Variants in SGCD observed in about 807,000 individuals in gnomAD.
SGCD encodes sarcoglycan delta.
In SGCD, 18 loss-of-function variants were observed where a neutral mutation model predicts 36.6. That is an observed-to-expected ratio of 0.49 (90% CI 0.34 to 0.73). SGCD has a LOEUF of 0.73. Among genes scored for constraint, SGCD ranks in the 30% least tolerant of loss-of-function variants. The probability of loss-of-function intolerance (pLI) is 0.01; values close to 1 mark genes in which losing one functional copy is unlikely to be tolerated. For missense variants in SGCD, 387 were observed against 346.7 expected (o/e 1.12, Z -0.92); for synonymous variants, 133 against 130.6 (o/e 1.02, Z -0.12).
At chr5:156,048,731 A>G (rs940209627) in intron 1 of SGCD, among the ~76,000 whole-genome samples, 6 of 152,084 alleles carry the variant, frequency 3.9e-5, no homozygotes, top group Admixed American at 1.3e-4. Context: ...ATTAGCCTTT[A>G]TCAGATGAGT....
intron 1 of SGCD, among the ~76,000 whole-genome samples, chr5:155,904,634 G>C (rs1445090010): frequency 6.6e-6 from 1 of 152,120 alleles, no homozygotes; most frequent in Non-Finnish European, 1.5e-5. Context: ...AAAATATTGT[G>C]CTTATGATCT....
intron 3 of SGCD, among the ~76,000 whole-genome samples, chr5:156,157,387 G>A (rs1413836688): frequency 1.3e-5 from 2 of 151,640 alleles, no homozygotes; most frequent in Non-Finnish European, 2.9e-5. Flanking sequence ...AATAAACAGA[G>A]CCAGGTATTG....
chr5:156,710,990 T>C (rs1754964694), intron 7 of SGCD, among the ~76,000 whole-genome samples: 1 of 152,238 alleles, frequency 6.6e-6, no homozygotes, highest in Non-Finnish European at 1.5e-5. Flanking sequence ...TGTCATGTGA[T>C]ACTATACTAG....
chr5:156,169,865 T>C (rs1383285782), intron 3 of SGCD, among the ~76,000 whole-genome samples: 2 of 151,782 alleles, frequency 1.3e-5, no homozygotes, highest in East Asian at 1.9e-4. Context: ...GGGTTAGTCA[T>C]GGGGGGTGGC....
chr5:156,195,425 AT>A (rs1442602885), intron 3 of SGCD, among the ~76,000 whole-genome samples: 4 of 152,188 alleles, frequency 2.6e-5, no homozygotes, highest in African/African-American at 9.6e-5. Flanking sequence ...AGATGATATC[AT>A]TTAACATTCT....
At chr5:155,750,314 C>A in the SGCD span, among the ~76,000 whole-genome samples, 1 of 152,150 alleles carries the variant, frequency 6.6e-6, no homozygotes, top group Non-Finnish European at 1.5e-5. Context: ...GTGGATTGTT[C>A]TACGAATGTA....
chr5:155,871,108 G>A (rs997263415), intron 1 of SGCD, among the ~76,000 whole-genome samples: 1 of 152,016 alleles, frequency 6.6e-6, no homozygotes, highest in African/African-American at 2.4e-5. Flanking sequence ...GTCAGAGAGA[G>A]GACCCAACAG....
intron 6 of SGCD, among the ~76,000 whole-genome samples, chr5:156,630,930 A>G (rs1356017202): frequency 6.6e-6 from 1 of 152,218 alleles, no homozygotes; most frequent in African/African-American, 2.4e-5. Flanking sequence ...CAGGAATTAA[A>G]TATATATTTC....
At chr5:156,083,496 T>C (rs1303788097) in intron 1 of SGCD, among the ~76,000 whole-genome samples, 4 of 151,804 alleles carry the variant, frequency 2.6e-5, no homozygotes, top group African/African-American at 4.8e-5. Flanking sequence ...GGTTTCTCCG[T>C]GTTGGTCAGG....
chr5:156,502,443 TC>T (rs1236824887), intron 3 of SGCD, among the ~76,000 whole-genome samples: 1 of 152,202 alleles, frequency 6.6e-6, no homozygotes, highest in Non-Finnish European at 1.5e-5. Flanking sequence ...CAAGTGATCT[TC>T]CTGCCACAGC....
chr5:156,274,471 A>T (rs13153827), intron 3 of SGCD, among the ~76,000 whole-genome samples: 60,779 of 151,512 alleles, frequency 0.4, 13,194 homozygotes, highest in African/African-American at 0.55. Context: ...GTCATTTTTT[A>T]AAAAATTTTA....
rs367861682 is a variant in SGCD, at chr5:156,686,879, C to T, written c.575+39343C>T. 2.7e-4 allele frequency among the ~76,000 whole-genome samples: 41 copies of T among 152,222 alleles called. No homozygotes were observed. The South Asian group carries it at 7.7e-3, about 28-fold the overall frequency. On this transcript the variant is annotated intron_variant, in intron 7 of 8. Coordinates refer to ENST00000337851, the MANE Select transcript of SGCD (RefSeq NM_000337.6). ...CCTTAAAACTGACCATTTCTTTTCC[C>T]GTTGTCAGCCACTGTCAGAATTTAA...
rs74631424 is a variant in SGCD, at chr5:156,241,935, G to A, written c.-43-87599G>A. ...GGGGTTGGGAGAGATGGGCTAAATG[G>A]AGCATAGTGGCCCAGAATGAGAGCT... On this transcript the variant is annotated intron_variant, in intron 3 of 9. Coordinates refer to the SGCD transcript ENST00000517913. Among the ~76,000 whole-genome samples, 930 of 152,232 alleles carry A rather than the reference G, an allele frequency of 6.1e-3. 13 individuals are homozygous for A. Among genetic ancestry groups the A allele is most frequent in the African/African-American group, 0.022 (896 of 41,540 alleles).
At chr5:155,996,855 G>C (rs1307247646) in intron 1 of SGCD, among the ~76,000 whole-genome samples, 1 of 77,422 alleles carries the variant, frequency 1.3e-5, no homozygotes, top group Non-Finnish European at 3.0e-5. Context: ...TCTGATATCT[G>C]GATGGATGGA....
intron 3 of SGCD, among the ~76,000 whole-genome samples, chr5:156,265,026 C>A (rs4555777): frequency 0.21 from 32,591 of 151,878 alleles, 3,909 homozygotes; most frequent in Admixed American, 0.27. Flanking sequence ...AGTGAGCAAC[C>A]CAATAGTGAT....
intron 3 of SGCD, among the ~76,000 whole-genome samples, chr5:156,318,092 AAG>A (rs1427116064): frequency 6.6e-6 from 1 of 152,238 alleles, no homozygotes; most frequent in African/African-American, 2.4e-5. Flanking sequence ...TCAACTCAGC[AAG>A]AGAGGTTCTA....
At chr5:156,645,411 G>T (rs1763189976) in intron 6 of SGCD, among the ~76,000 whole-genome samples, 1 of 152,018 alleles carries the variant, frequency 6.6e-6, no homozygotes, top group Non-Finnish European at 1.5e-5. Context: ...GATAGCACTT[G>T]GAAAGAAATG....
intron 1 of SGCD, among the ~76,000 whole-genome samples, chr5:155,910,373 G>A (rs993748953): frequency 1.3e-5 from 2 of 152,104 alleles, no homozygotes; most frequent in African/African-American, 4.8e-5. Flanking sequence ...AAGGATTCTA[G>A]TGACAGATTT....
the SGCD span, among the ~76,000 whole-genome samples, chr5:155,824,882 A>G: frequency 6.6e-6 from 1 of 152,236 alleles, no homozygotes; most frequent in Non-Finnish European, 1.5e-5. Flanking sequence ...TTATATCAGT[A>G]AAAATTAGAG....
Sources: allele counts gnomAD v4.1 joint callset (sites outside exome capture counted in the v4.1 genomes callset), GRCh38; gene constraint gnomAD v4.1.1; transcripts MANE v1.5; gene names NCBI Gene and HGNC (gene_info 2026-07-23, HGNC 2026-07-21).